The following HSF4 variants were observed in gnomAD, a reference collection of about 807,000 sequenced individuals.
The protein encoded by HSF4 is heat shock transcription factor 4.
In HSF4, 41 loss-of-function variants were observed where a neutral mutation model predicts 52.0. That is an observed-to-expected ratio of 0.79 (90% CI 0.61 to 1.02). HSF4 has a LOEUF of 1.02. HSF4 is among the 50% of genes least tolerant of loss of function. The pLI, the probability that HSF4 is intolerant of heterozygous loss-of-function variation, is 0.00. For missense variants in HSF4, 610 were observed against 651.1 expected, an observed-to-expected ratio of 0.94 and a Z score of 0.69; for synonymous variants, 285 against 273.0, an observed-to-expected ratio of 1.04 and a Z score of -0.43.
chr16:67,165,447 A>G lies in HSF4; in HGVS notation c.124-75A>G. On this transcript the variant is annotated intron_variant, in intron 1 of 12. Transcript: ENST00000521374. The surrounding 1 kb of genome is among the most constrained non-coding windows in gnomAD (Gnocchi z 6.9). ...TGAGTGTGTGCGCGCGCTGGAGCGCAGGACTGGCCGTGAGCGGGCACCGCT... is the reference window on the plus strand; with the variant it reads ...TGAGTGTGTGCGCGCGCTGGAGCGCGGGACTGGCCGTGAGCGGGCACCGCT... The G allele has an allele frequency of 1.5e-6, 2 of 1,328,792 alleles. No individual in the cohort carries two copies. The highest frequency in any genetic ancestry group is 2.2e-6 in the Non-Finnish European group (2 of 922,712). The allele number at this position is 1,328,792 out of a possible 1,614,324, so 82.3% of individuals were successfully genotyped here.
In HSF4 at chr16:67,165,982, C is replaced by A. The variant is rs775465357; in HGVS notation, c.397C>A (p.Pro133Thr). Reference protein sequence around the residue: ...ALRGDDGRWRPEDLGRLLGEV... With the variant: ...ALRGDDGRWRTEDLGRLLGEV... Reference sequence around the variant, plus strand: ...GCGCGGCGACGACGGCCGCTGGCGCCCGGAGGACCTGGGTCGACTACTGGG... The same window carrying A: ...GCGCGGCGACGACGGCCGCTGGCGCACGGAGGACCTGGGTCGACTACTGGG... Residue 133 changes from proline (P) to threonine (T), a missense_variant, in exon 4 of 13, where the codon CCG becomes ACG. Physicochemically the swap from Pro to Thr is conservative, Grantham distance 38. Coordinates refer to ENST00000521374, the MANE Select transcript of HSF4 (RefSeq NM_001374675.1). This position sits in a 1 kb window ranked among gnomAD's most constrained non-coding sequence, Gnocchi z 6.9. 2 of 1,553,196 alleles carry A rather than the reference C, an allele frequency of 1.3e-6. No individual in the cohort carries two copies. Among genetic ancestry groups the A allele is most frequent in the East Asian group, 4.8e-5 (2 of 41,806 alleles).
chr16:67,166,162 C>G, intron 4 of HSF4, 92 bp downstream of exon 4: 1 of 1,421,870 alleles, frequency 7.0e-7, no homozygotes. Flanking sequence ...CAGCCCCTTC[C>G]TCTCTCCTGC....
chr16:67,167,462 C>T lies in HSF4; in HGVS notation c.730-13C>T, dbSNP rs1355617533. ...CTACAGGCCAAGGGCTGGGCCTAGCCTTCTACTTACAGCCTCTCCCAGAGA... is the reference window on the plus strand; with the variant it reads ...CTACAGGCCAAGGGCTGGGCCTAGCTTTCTACTTACAGCCTCTCCCAGAGA... On this transcript the variant is annotated splice_polypyrimidine_tract_variant and intron_variant, in intron 7 of 12. Transcript: ENST00000521374. The T allele has an allele frequency of 6.2e-7, 1 of 1,613,858 alleles. No homozygotes were observed. The highest frequency in any genetic ancestry group is 8.5e-7 in the Non-Finnish European group (1 of 1,180,032).
Position 67,168,930 on chromosome 16 carries a change from T to C in HSF4, c.1182T>C (p.Pro394=), listed in dbSNP as rs1489522493. 2.5e-6 allele frequency: 4 copies of C among 1,613,710 alleles called. No individual in the cohort carries two copies. In the African/African-American group the frequency reaches 5.3e-5, roughly 22 times the overall value. Residue 394 remains proline (P), a synonymous_variant, in exon 10 of 13, where the codon CCT becomes CCC. Transcript: ENST00000521374. The stretch of plus-strand genomic sequence containing the variant: ...AAGAAAGTGTGGAACCTGCAGGGCC[T>C]CTAGATGTGAGTACCCCTTCTGCTG... ...PPQESVEPAG[P]LDVLGPSLQG...
In HSF4 at chr16:67,169,898, T is replaced by G; in HGVS notation, c.*113T>G. On this transcript the variant is annotated 3_prime_UTR_variant, in exon 13 of 13. Coordinates refer to ENST00000521374, the MANE Select transcript of HSF4 (RefSeq NM_001374675.1). This position sits in a 1 kb window ranked among gnomAD's most constrained non-coding sequence, Gnocchi z 4.3. Reference sequence around the variant, plus strand: ...AGCCCCCACTACTAAATGGCCTCTCTCCACTACCCCGACTATCCCTGCACA... The same window carrying G: ...AGCCCCCACTACTAAATGGCCTCTCGCCACTACCCCGACTATCCCTGCACA... The G allele has an allele frequency of 3.8e-6, 4 of 1,046,144 alleles. No homozygotes were observed. The highest frequency in any genetic ancestry group is 5.9e-6 in the Non-Finnish European group (4 of 680,936). 64.8% of individuals were successfully genotyped at this position (1,046,144 alleles called of 1,614,324 possible).
rs760551227 is a variant in HSF4, at chr16:67,167,455, G to A, written c.730-20G>A. 1 of 1,613,824 alleles carries A rather than the reference G, an allele frequency of 6.2e-7. No individual in the cohort carries two copies. The highest frequency in any genetic ancestry group is 1.3e-5 in the African/African-American group (1 of 75,078). The stretch of plus-strand genomic sequence containing the variant: ...CCTGTGCCTACAGGCCAAGGGCTGG[G>A]CCTAGCCTTCTACTTACAGCCTCTC... On this transcript the variant is annotated intron_variant, in intron 7 of 12. Transcript: ENST00000521374.
At chr16:67,164,323 C>T (rs1460902989), upstream of HSF4, 7 of 388,764 alleles carry the variant, frequency 1.8e-5, no homozygotes, top group African/African-American at 1.5e-4. Context: ...GGGGCACTCA[C>T]ACCCTTGGAA....
In HSF4 at chr16:67,166,622, TGTGA is replaced by T; in HGVS notation, c.626+6_626+9del. ...AGCAATGCAGGAGGCAAGAGAAAGC[TGTGA>T]GTGAGAAAGCCAAGAAGGCCCACAC... is the stretch of plus-strand genomic sequence containing the variant. On this transcript the variant is annotated splice_donor_variant and splice_donor_region_variant and intron_variant, in intron 6 of 12. Coordinates refer to ENST00000521374, the MANE Select transcript of HSF4 (RefSeq NM_001374675.1). LOFTEE classifies it high-confidence loss of function. 6.2e-7 allele frequency: 1 copy of T among 1,613,782 alleles called. No individual in the cohort carries two copies. The highest frequency in any genetic ancestry group is 2.2e-5 in the East Asian group (1 of 44,888).
At chr16:67,164,639 T>A, upstream of HSF4, 1 of 461,582 alleles carries the variant, frequency 2.2e-6, no homozygotes, top group Non-Finnish European at 3.7e-6. Flanking sequence ...TTCTGCCTGC[T>A]GGTGCCTCGG....
chr16:67,163,970 G>A (rs1187111080), upstream of HSF4: 5 of 1,242,972 alleles, frequency 4.0e-6, no homozygotes, highest in African/African-American at 1.5e-5. Context: ...ATGGCATCGG[G>A]ACCAGTCCTG....
chr16:67,165,145 T>C lies in HSF4; in HGVS notation c.123+211T>C. 1 of 614,678 alleles carries C rather than the reference T, an allele frequency of 1.6e-6. No individual in the cohort carries two copies. The highest frequency in any genetic ancestry group is 2.8e-6 in the Non-Finnish European group (1 of 353,224). 38.1% of individuals were successfully genotyped at this position (614,678 alleles called of 1,614,324 possible). ...GAGCCTGCCTTCTGAAGACCTAGAG[T>C]CCGAGGGACCTTCGAGGCCATTTAG... On this transcript the variant is annotated intron_variant, in intron 1 of 12. Transcript: ENST00000521374. This position sits in a 1 kb window ranked among gnomAD's most constrained non-coding sequence, Gnocchi z 6.9.
chr16:67,164,298 C>T (rs1018179801), upstream of HSF4: 2 of 387,762 alleles, frequency 5.2e-6, no homozygotes, highest in Non-Finnish European at 1.0e-5. Flanking sequence ...GACACAGCTG[C>T]GGGGGGTCAG....
In HSF4 at chr16:67,165,131, C is replaced by T. The variant is rs2031153006; in HGVS notation, c.123+197C>T. 4.7e-6 allele frequency: 3 copies of T among 637,678 alleles called. No individual in the cohort carries two copies. The highest frequency in any genetic ancestry group is 8.0e-6 in the Non-Finnish European group (3 of 373,262). 39.5% of individuals were successfully genotyped at this position (637,678 alleles called of 1,614,324 possible). A position where few individuals can be genotyped will look rare whatever the true frequency, so the allele number is the denominator to read the frequency against. ...CGAAGAAGGGTTAGGAGCCTGCCTT[C>T]TGAAGACCTAGAGTCCGAGGGACCT... On this transcript the variant is annotated intron_variant, in intron 1 of 12. Transcript: ENST00000521374. The surrounding 1 kb of genome is among the most constrained non-coding windows in gnomAD (Gnocchi z 6.9).
chr16:67,169,636 G>T lies in HSF4; in HGVS notation c.1330G>T (p.Asp444Tyr). The stretch of plus-strand genomic sequence containing the variant: ...CGCAGTCCCACTTCTCCTAGGGAAG[G>T]ACCCCACGCTCGGGGCCCCACTCCT... ...KGLNSPSPGK[D>Y]PTLGAPLLLD... The change falls in exon 13 of 13, where the codon GAC (aspartate) becomes TAC (tyrosine). Residue 444 changes from aspartate (D) to tyrosine (Y), a missense_variant. Asp to Tyr is a radical substitution (Grantham distance 160). Coordinates refer to ENST00000521374, the MANE Select transcript of HSF4 (RefSeq NM_001374675.1). This position sits in a 1 kb window ranked among gnomAD's most constrained non-coding sequence, Gnocchi z 4.3. 6.2e-7 allele frequency: 1 copy of T among 1,607,686 alleles called. No individual in the cohort carries two copies.
chr16:67,164,303 G>A, upstream of HSF4: 1 of 386,298 alleles, frequency 2.6e-6, no homozygotes, highest in Non-Finnish European at 5.1e-6. Flanking sequence ...AGCTGCGGGG[G>A]GTCAGGGTCG....
chr16:67,165,937 C>G lies in HSF4; in HGVS notation c.361-9C>G. ...GCGACCCAGTCCCGACGGTGCCTCC[C>G]GCCTGCAGGTGCCCGCGCTGCGCGG... On this transcript the variant is annotated splice_polypyrimidine_tract_variant and intron_variant, in intron 3 of 12. Transcript: ENST00000521374. The surrounding 1 kb of genome is among the most constrained non-coding windows in gnomAD (Gnocchi z 6.9). 6.3e-7 allele frequency: 1 copy of G among 1,579,678 alleles called. No individual in the cohort carries two copies. The highest frequency in any genetic ancestry group is 1.1e-5 in the South Asian group (1 of 88,928).
In HSF4 at chr16:67,165,013, C is replaced by G. The variant is rs2031140612; in HGVS notation, c.123+79C>G. Reference sequence around the variant, plus strand: ...AGTGAACACCCATGCCCGCCCAACCCCCTCCTGAGACTGGGCCGTGGATCC... The same window carrying G: ...AGTGAACACCCATGCCCGCCCAACCGCCTCCTGAGACTGGGCCGTGGATCC... On this transcript the variant is annotated intron_variant, in intron 1 of 12. Transcript: ENST00000521374. This position sits in a 1 kb window ranked among gnomAD's most constrained non-coding sequence, Gnocchi z 6.9. 1 of 1,418,390 alleles carries G rather than the reference C, an allele frequency of 7.1e-7. No individual in the cohort carries two copies. Among genetic ancestry groups the G allele is most frequent in the African/African-American group, 1.4e-5 (1 of 69,940 alleles). 87.9% of individuals were successfully genotyped at this position (1,418,390 alleles called of 1,614,324 possible). A position where few individuals can be genotyped will look rare whatever the true frequency, so the allele number is the denominator to read the frequency against.
In HSF4 at chr16:67,167,109, C is replaced by T. The variant is rs199856104; in HGVS notation, c.627-11C>T. Reference sequence around the variant, plus strand: ...GCCCCACCCCTGCCTGTGCCCTGATCGACCACACAGGTCCCTGATGCTGGA... The same window carrying T: ...GCCCCACCCCTGCCTGTGCCCTGATTGACCACACAGGTCCCTGATGCTGGA... On this transcript the variant is annotated splice_polypyrimidine_tract_variant and intron_variant, in intron 6 of 12. Transcript: ENST00000521374. 480 of 1,613,978 alleles carry T rather than the reference C, an allele frequency of 3.0e-4. No homozygotes were observed. The highest frequency in any genetic ancestry group is 3.7e-4 in the Non-Finnish European group (434 of 1,180,012).
chr16:67,164,634 C>A (rs2031103570), upstream of HSF4: 9 of 434,198 alleles, frequency 2.1e-5, no homozygotes, highest in Non-Finnish European at 3.6e-5. Flanking sequence ...GCCTTTTCTG[C>A]CTGCTGGTGC....
Sources: gnomAD v4.1 joint callset for allele counts on GRCh38, gnomAD v4.1.1 for gene constraint, Gnocchi (gnomAD v3.1) non-coding constraint, MANE v1.5 for transcripts, NCBI Gene and HGNC (gene_info 2026-07-23, HGNC 2026-07-21) for gene names.